The following GPR132 variants were observed in gnomAD, a reference collection of about 807,000 sequenced individuals.
GPR132 encodes the protein probable G protein-coupled receptor 132.
A neutral mutation model predicts 1.9 loss-of-function variants in GPR132; 4 were observed. The ratio of observed to expected loss-of-function variants is 2.13; its 90% confidence interval spans 1.05 to 4.87. GPR132 has a LOEUF of 4.87. Among genes scored for constraint, GPR132 ranks in the 30% most tolerant of loss-of-function variants. The pLI is 0.01. For missense variants in GPR132, 404 were observed against 512.5 expected, an observed-to-expected ratio of 0.79 and a Z score of 2.04; for synonymous variants, 233 against 234.2, an observed-to-expected ratio of 0.99 and a Z score of 0.05.
At chr14:105,057,835 C>G (rs1015807859) in intron 1 of GPR132, 3 of 151,994 alleles carry the variant, frequency 2.0e-5, no homozygotes, top group Non-Finnish European at 4.4e-5. Flanking sequence ...ACTACACACA[C>G]GCGCCACCAT....
rs559115926 is a variant in GPR132 at position 105,055,581 on chromosome 14, C to A, written c.-161G>T. On this transcript the variant is annotated 5_prime_UTR_variant, in exon 3 of 4. Transcript: ENST00000329797. The surrounding 1 kb of genome is among the most constrained non-coding windows in gnomAD (Gnocchi z 4.7). ...GCGCTGGGCTCCCCTGTCACCTCCC[C>A]ACGTGGGTGGGCATCTCTGCGTGTC... 5.8e-6 allele frequency: 4 copies of A among 685,676 alleles called. No homozygotes were observed. Among genetic ancestry groups the A allele is most frequent in the African/African-American group, 5.4e-5 (3 of 55,458 alleles). 42.5% of individuals were successfully genotyped at this position (685,676 alleles called of 1,614,324 possible).
chr14:105,062,503 T>TTGCCTTTTC (rs1886969468), intron 1 of GPR132, among the ~76,000 whole-genome samples: 2 of 152,040 alleles, frequency 1.3e-5, no homozygotes, highest in Non-Finnish European at 2.9e-5. Context: ...TTTGCCTTTT[T>TTGCCTTTTC]TGCCTTTTCT....
intron 1 of GPR132, among the ~76,000 whole-genome samples, chr14:105,064,025 G>C (rs2140937914): frequency 6.6e-6 from 1 of 151,980 alleles, no homozygotes; most frequent in African/African-American, 2.4e-5. Flanking sequence ...TTTTAGTAGA[G>C]ACAGGGTTTC....
At chr14:105,064,028 A>G (rs1310830989) in intron 1 of GPR132, among the ~76,000 whole-genome samples, 5 of 150,482 alleles carry the variant, frequency 3.3e-5, no homozygotes, top group African/African-American at 1.2e-4. Flanking sequence ...TAGTAGAGAC[A>G]GGGTTTCACC....
chr14:105,050,022 T>C lies in GPR132; in HGVS notation c.*972A>G, dbSNP rs1393787275. The C allele has an allele frequency of 6.6e-6, 1 of 152,406 alleles. No homozygotes were observed. Among genetic ancestry groups the C allele is most frequent in the African/African-American group, 2.4e-5 (1 of 41,444 alleles). 9.4% of individuals were successfully genotyped at this position (152,406 alleles called of 1,614,324 possible). A position where few individuals can be genotyped will look rare whatever the true frequency, so the allele number is the denominator to read the frequency against. ...GGGCAGGGAGGAGGATTGATCTCGA[T>C]GGTGACCCAGTGAGGTAGGTGTCAT... is the stretch of plus-strand genomic sequence containing the variant. On this transcript the variant is annotated 3_prime_UTR_variant, in exon 4 of 4. Transcript: ENST00000329797. The surrounding 1 kb of genome is among the most constrained non-coding windows in gnomAD (Gnocchi z 4.0).
rs1595137762 is a variant in GPR132 at position 105,056,261 on chromosome 14, G to A, written c.-746-95C>T. On this transcript the variant is annotated intron_variant, in intron 2 of 3. Transcript: ENST00000329797. The surrounding 1 kb of genome is among the most constrained non-coding windows in gnomAD (Gnocchi z 6.0). ...ACAGGCCTGTGGCGGGCGGCGGGGG[G>A]CAGTGAAGGCAGTTCTCGGGTGGGA... 2 of 614,420 alleles carry A rather than the reference G, an allele frequency of 3.3e-6. No individual in the cohort carries two copies. Among genetic ancestry groups the A allele is most frequent in the African/African-American group, 4.0e-5 (2 of 50,328 alleles). The allele number at this position is 614,420 out of a possible 1,614,324, so 38.1% of individuals were successfully genotyped here.
Position 105,060,431 on chromosome 14 carries a change from C to T in GPR132, c.-860-3151G>A, listed in dbSNP as rs956887219. Among the ~76,000 whole-genome samples, 5 of 152,140 alleles carry T rather than the reference C, an allele frequency of 3.3e-5. No individual in the cohort carries two copies. Among genetic ancestry groups the T allele is most frequent in the African/African-American group, 4.8e-5 (2 of 41,434 alleles). ...TCTGAGCCCCGGGGGTGTGGGGGGC[C>T]CGACCAGCCTCACACTGGGCCTGGC... On this transcript the variant is annotated intron_variant, in intron 1 of 3. Coordinates refer to ENST00000329797, the MANE Select transcript of GPR132 (RefSeq NM_013345.4). The surrounding 1 kb of genome is among the most constrained non-coding windows in gnomAD (Gnocchi z 6.3).
intron 3 of GPR132, among the ~76,000 whole-genome samples, chr14:105,054,637 G>T (rs1483460065): frequency 6.6e-6 from 1 of 151,232 alleles, no homozygotes; most frequent in Non-Finnish European, 1.5e-5. Context: ...CACCAGGTTG[G>T]CCAGGCTGGT....
At position 105,057,210 on chromosome 14, in the gene GPR132, A is replaced by G; in HGVS notation, c.-790T>C. On this transcript the variant is annotated 5_prime_UTR_variant, in exon 2 of 4. Transcript: ENST00000329797. ...TCCAATCTCAGTGTGGCTCTAAGAT[A>G]AGCTTTCTAAGTACATGTCATGCGT... is the stretch of plus-strand genomic sequence containing the variant. 1.3e-6 allele frequency: 2 copies of G among 1,491,866 alleles called. No individual in the cohort carries two copies. Among genetic ancestry groups the G allele is most frequent in the Non-Finnish European group, 1.8e-6 (2 of 1,106,614 alleles). 92.4% of individuals were successfully genotyped at this position (1,491,866 alleles called of 1,614,324 possible).
Position 105,050,930 on chromosome 14 carries a change from G to A in GPR132, c.*64C>T. 6.7e-7 allele frequency: 1 copy of A among 1,484,876 alleles called. No homozygotes were observed. The highest frequency in any genetic ancestry group is 9.3e-7 in the Non-Finnish European group (1 of 1,077,868). The allele number at this position is 1,484,876 out of a possible 1,614,324, so 92.0% of individuals were successfully genotyped here. A position where few individuals can be genotyped will look rare whatever the true frequency, so the allele number is the denominator to read the frequency against. On this transcript the variant is annotated 3_prime_UTR_variant, in exon 4 of 4. Transcript: ENST00000329797. This position sits in a 1 kb window ranked among gnomAD's most constrained non-coding sequence, Gnocchi z 4.0. ...GGGCACTGTGGCTGGTGGGCTCAGTGCACAGGAACCACATTGCTGGCCCCA... is the reference window on the plus strand; with the variant it reads ...GGGCACTGTGGCTGGTGGGCTCAGTACACAGGAACCACATTGCTGGCCCCA...
At position 105,050,772 on chromosome 14, in the gene GPR132, C is replaced by T. The variant is rs1185809090; in HGVS notation, c.*222G>A. 3 of 572,124 alleles carry T rather than the reference C, an allele frequency of 5.2e-6. No homozygotes were observed. The highest frequency in any genetic ancestry group is 3.7e-5 in the African/African-American group (2 of 53,486). 35.4% of individuals were successfully genotyped at this position (572,124 alleles called of 1,614,324 possible). A position where few individuals can be genotyped will look rare whatever the true frequency, so the allele number is the denominator to read the frequency against. ...TGCCTGCCACATGCTCTCTGGGCTC[C>T]CGGAAGCCTGGAGGTGTCGCTCCTC... On this transcript the variant is annotated 3_prime_UTR_variant, in exon 4 of 4. Transcript: ENST00000329797. This position sits in a 1 kb window ranked among gnomAD's most constrained non-coding sequence, Gnocchi z 4.0.
At chr14:105,052,529 G>A (rs1364400396) in intron 3 of GPR132, among the ~76,000 whole-genome samples, 1 of 151,860 alleles carries the variant, frequency 6.6e-6, no homozygotes, top group Non-Finnish European at 1.5e-5. Flanking sequence ...GTTTCACCAT[G>A]TTGGCCAGGC....
Position 105,051,162 on chromosome 14 carries a change from C to T in GPR132, c.975G>A (p.Gly325=). 3 of 1,614,206 alleles carry T rather than the reference C, an allele frequency of 1.9e-6. No individual in the cohort carries two copies. The East Asian group carries it at 6.7e-5, about 36-fold the overall frequency. ...CTGTCTTCATGGACCACTCTTTCCA[C>T]CCCTTATGGATTCTGGACACTTCTT... is the stretch of plus-strand genomic sequence containing the variant. ...SRQEVSRIHK[G]WKEWSMKTDV... The change falls in exon 4 of 4, where the codon GGG becomes GGA. Residue 325 remains glycine, a synonymous_variant. Coordinates refer to ENST00000329797, the MANE Select transcript of GPR132 (RefSeq NM_013345.4). The surrounding 1 kb of genome is among the most constrained non-coding windows in gnomAD (Gnocchi z 8.0).
At position 105,051,302 on chromosome 14, in the gene GPR132, T is replaced by C. The variant is rs1886630240; in HGVS notation, c.835A>G (p.Met279Val). 16 of 1,613,866 alleles carry C rather than the reference T, an allele frequency of 9.9e-6. No homozygotes were observed. Among genetic ancestry groups the C allele is most frequent in the Non-Finnish European group, 1.3e-5 (15 of 1,179,878 alleles). Residue 279 changes from methionine to valine, a missense_variant, in exon 4 of 4, where the codon ATG (methionine) becomes GTG (valine). By Grantham distance (21) the Met-to-Val change is conservative. Transcript: ENST00000329797. The surrounding 1 kb of genome is among the most constrained non-coding windows in gnomAD (Gnocchi z 8.0). Reference sequence around the variant, plus strand: ...TACAGCCTTTCCTCCAAGCCGCACATGGCGTTCCTGTCTCCTCTGTAGTAG... The same window carrying C: ...TACAGCCTTTCCTCCAAGCCGCACACGGCGTTCCTGTCTCCTCTGTAGTAG... ...FSYYRGDRNA[M>V]CGLEERLYTA...
At position 105,051,534 on chromosome 14, in the gene GPR132, G is replaced by T. The variant is rs201723984; in HGVS notation, c.603C>A (p.Tyr201Ter). 7.4e-6 allele frequency: 12 copies of T among 1,613,888 alleles called. No individual in the cohort carries two copies. Among genetic ancestry groups the T allele is most frequent in the African/African-American group, 6.7e-5 (5 of 74,934 alleles). ...QMDSRIAGYY[Y>*]ARFTVGFAIP... ...TGGCAAAGCCAACGGTGAACCTGGC[G>T]TAGTAGTACCCGGCAATCCTGCTGT... is the stretch of plus-strand genomic sequence containing the variant. Residue 201 changes from tyrosine to a stop codon, truncating the protein, a stop_gained, in exon 4 of 4, where the codon TAC becomes TAA. Transcript: ENST00000329797. LOFTEE classifies it low-confidence loss of function (END_TRUNC). The surrounding 1 kb of genome is among the most constrained non-coding windows in gnomAD (Gnocchi z 8.0).
chr14:105,065,236 C>T (rs1484025505), intron 1 of GPR132, 143 bp downstream of exon 1: 2 of 152,256 alleles, frequency 1.3e-5, no homozygotes, highest in Non-Finnish European at 2.9e-5. Flanking sequence ...ATTAAGAACC[C>T]TCAACAAAGC....
chr14:105,063,810 G>A (rs1262374874), intron 1 of GPR132, among the ~76,000 whole-genome samples: 1 of 151,942 alleles, frequency 6.6e-6, no homozygotes, highest in Non-Finnish European at 1.5e-5. Context: ...GGCTGCTGAG[G>A]TCTGTCTTGT....
intron 3 of GPR132, among the ~76,000 whole-genome samples, chr14:105,053,063 C>T (rs1229184341): frequency 1.3e-5 from 2 of 151,968 alleles, no homozygotes; most frequent in African/African-American, 4.8e-5. Context: ...CTACTATGCC[C>T]TTCCAGCGCT....
At position 105,060,653 on chromosome 14, in the gene GPR132, G is replaced by A. The variant is rs1886916326; in HGVS notation, c.-860-3373C>T. Among the ~76,000 whole-genome samples the A allele has an allele frequency of 6.6e-6, 1 of 152,200 alleles. No individual in the cohort carries two copies. The highest frequency in any genetic ancestry group is 1.5e-5 in the Non-Finnish European group (1 of 68,024). On this transcript the variant is annotated intron_variant, in intron 1 of 3. Transcript: ENST00000329797. This position sits in a 1 kb window ranked among gnomAD's most constrained non-coding sequence, Gnocchi z 6.3. The stretch of plus-strand genomic sequence containing the variant: ...TGCCTGAGGCCCCTGGGCCCCATCA[G>A]AACGCCTGAGCCGCCCAGGAAGGGG...
Sources: gnomAD v4.1 joint callset for allele counts (sites outside exome capture counted in the v4.1 genomes callset) on GRCh38, gnomAD v4.1.1 for gene constraint, Gnocchi (gnomAD v3.1) non-coding constraint, MANE v1.5 for transcripts, NCBI Gene and HGNC (gene_info 2026-07-23, HGNC 2026-07-21) for gene names.